Variants in UNKL observed in about 807,000 individuals in gnomAD.
The protein encoded by UNKL is unk like zinc finger.
UNKL carries 60 observed loss-of-function variants against 78.0 expected under a neutral mutation model. That is an observed-to-expected ratio of 0.77 (90% confidence interval 0.63 to 0.95). The LOEUF is 0.95. Ranked by LOEUF, UNKL falls within the 40% of genes least tolerant of loss-of-function variation. The pLI is 0.00. For synonymous variants in UNKL, 608 were observed against 474.8 expected, an observed-to-expected ratio of 1.28 and a Z score of -3.65; for missense variants, 1,159 against 1,045.7, an observed-to-expected ratio of 1.11 and a Z score of -1.49.
In UNKL at chr16:1,414,699, C is replaced by CA. The variant is rs775262121; in HGVS notation, c.-9dup. 64 of 1,125,266 alleles carry CA rather than the reference C, an allele frequency of 5.7e-5. No individual in the cohort carries two copies. Among genetic ancestry groups the CA allele is most frequent in the African/African-American group, 1.0e-4 (6 of 59,054 alleles). 69.7% of individuals were successfully genotyped at this position (1,125,266 alleles called of 1,614,324 possible). ...TTTCGAAACCGACGGCATTTTCAGT[C>CA]AAAACAATGCAGCGCGCATGCGCCG... is the stretch of plus-strand genomic sequence containing the variant. On this transcript the variant is annotated 5_prime_UTR_variant, in exon 1 of 15. Transcript: ENST00000389221.
At position 1,397,241 on chromosome 16, in the gene UNKL, G is replaced by C. The variant is rs1205203347; in HGVS notation, c.789C>G (p.Arg263=). The C allele has an allele frequency of 6.5e-7, 1 of 1,543,492 alleles. No homozygotes were observed. The highest frequency in any genetic ancestry group is 8.7e-7 in the Non-Finnish European group (1 of 1,146,920). The part of the protein sequence containing the change: ...KHGDEWGEPS[R]CDGGDGCQYC... The stretch of plus-strand genomic sequence containing the variant: ...ACTGGCAGCCGTCGCCGCCATCGCA[G>C]CGTGAGGGTTCCCCCCACTCATCCC... Residue 263 remains arginine, a synonymous_variant, in exon 6 of 15, where the codon CGC becomes CGG. Transcript: ENST00000389221.
At chr16:1,396,938 T>C (rs375293595) in intron 6 of UNKL, 64 of 541,346 alleles carry the variant, frequency 1.2e-4, no homozygotes, top group Middle Eastern at 4.7e-4. Flanking sequence ...CCCACATGAC[T>C]CTTTCTTCTG....
Position 1,413,869 on chromosome 16 carries a change from G to A in UNKL, c.264C>T (p.Thr88=), listed in dbSNP as rs781446783. The change falls in exon 2 of 15, where the codon ACC becomes ACT. Residue 88 remains threonine (T), a synonymous_variant. Transcript: ENST00000389221. The part of the protein sequence containing the change: ...DVYCSKYNEA[T]GVCPDGDECP... Reference sequence around the variant, plus strand: ...ACTCGTCGCCGTCGGGGCACACGCCGGTGGCTTCGTTGTACTTGGAGCAGT... The same window carrying A: ...ACTCGTCGCCGTCGGGGCACACGCCAGTGGCTTCGTTGTACTTGGAGCAGT... 1.3e-6 allele frequency: 2 copies of A among 1,531,508 alleles called. No individual in the cohort carries two copies. The highest frequency in any genetic ancestry group is 1.4e-5 in the African/African-American group (1 of 72,698). 94.9% of individuals were successfully genotyped at this position (1,531,508 alleles called of 1,614,324 possible). A position where few individuals can be genotyped will look rare whatever the true frequency, so the allele number is the denominator to read the frequency against.
chr16:1,397,357 G>A, intron 5 of UNKL, 62 bp from the exon 6 acceptor site: 1 of 607,510 alleles, frequency 1.6e-6, no homozygotes, highest in African/African-American at 2.4e-5. Context: ...CCACCCCCGT[G>A]CTTCACGCTG....
intron 10 of UNKL, among the ~76,000 whole-genome samples, chr16:1,381,513 C>T (rs558525854): frequency 3.3e-4 from 50 of 152,068 alleles, no homozygotes; most frequent in Admixed American, 9.8e-4. Flanking sequence ...CCAGCTACTC[C>T]GGAGGCTGAG....
Position 1,403,159 on chromosome 16 carries a change from C to A in UNKL, c.464+9G>T. On this transcript the variant is annotated intron_variant, in intron 3 of 14. Coordinates refer to ENST00000389221, the MANE Select transcript of UNKL (RefSeq NM_001372107.1). This position sits in a 1 kb window ranked among gnomAD's most constrained non-coding sequence, Gnocchi z 4.8. ...CAGGCCAAGTGCCCACTCGTGGATG[C>A]CCACTCACCTGACGTCACACACGGG... The A allele has an allele frequency of 6.2e-7, 1 of 1,604,774 alleles. No homozygotes were observed. The highest frequency in any genetic ancestry group is 2.2e-5 in the East Asian group (1 of 44,678).
intron 10 of UNKL, chr16:1,379,210 C>CG (rs2036463743): frequency 6.5e-6 from 1 of 153,036 alleles, no homozygotes; most frequent in Admixed American, 6.5e-5. Context: ...GAGCCGCCGA[C>CG]GCCAGGGAAA....
At chr16:1,384,542 G>A (rs1009499221) in intron 10 of UNKL, among the ~76,000 whole-genome samples, 1 of 151,828 alleles carries the variant, frequency 6.6e-6, no homozygotes, top group Admixed American at 6.6e-5. Flanking sequence ...AGCCTTCACT[G>A]GACTCCCCAC....
rs1357087980 is a variant in UNKL at position 1,385,976 on chromosome 16, G to A, written c.1087-591C>T. On this transcript the variant is annotated intron_variant, in intron 9 of 14. Coordinates refer to ENST00000389221, the MANE Select transcript of UNKL (RefSeq NM_001372107.1). ...GTATTTGGTGGATAATAGATCAAAAGAAAAAGAGCAACACACAGAGCAGTG... is the reference window on the plus strand; with the variant it reads ...GTATTTGGTGGATAATAGATCAAAAAAAAAAGAGCAACACACAGAGCAGTG... Among the ~76,000 whole-genome samples, 5 of 152,384 alleles carry A rather than the reference G, an allele frequency of 3.3e-5. No individual in the cohort carries two copies. The East Asian group carries it at 9.6e-4, about 29-fold the overall frequency.
At chr16:1,370,729 AAAAG>A (rs1196336606) in intron 11 of UNKL, among the ~76,000 whole-genome samples, 1 of 152,228 alleles carries the variant, frequency 6.6e-6, no homozygotes, top group Admixed American at 6.5e-5. Flanking sequence ...ACTTTCTTTT[AAAAG>A]AAAGAAAAGA....
chr16:1,394,825 C>T (rs2037190351), intron 6 of UNKL, among the ~76,000 whole-genome samples: 1 of 152,238 alleles, frequency 6.6e-6, no homozygotes, highest in East Asian at 1.9e-4. Flanking sequence ...TGGCCCCACC[C>T]CCCCATGGCC....
chr16:1,370,734 AAAG>A (rs1211485658), intron 11 of UNKL, among the ~76,000 whole-genome samples: 2 of 152,220 alleles, frequency 1.3e-5, no homozygotes. Flanking sequence ...CTTTTAAAAG[AAAG>A]AAAAGATACA....
chr16:1,369,393 G>T (rs1596647176), intron 12 of UNKL, among the ~76,000 whole-genome samples: 2 of 148,826 alleles, frequency 1.3e-5, no homozygotes, highest in East Asian at 4.0e-4. Context: ...TTTTGAGATG[G>T]AGTTTCACTC....
intron 3 of UNKL, among the ~76,000 whole-genome samples, chr16:1,402,826 T>C (rs993612995): frequency 1.5e-5 from 2 of 134,414 alleles, no homozygotes; most frequent in African/African-American, 5.7e-5. Context: ...CTACTAAACA[T>C]ACAAAAAAAA....
intron 2 of UNKL, chr16:1,412,013 G>A (rs2038062391): frequency 6.6e-6 from 1 of 152,148 alleles, no homozygotes; most frequent in Non-Finnish European, 1.5e-5. Context: ...AAGGTCCCTG[G>A]AGAATCAGCT....
Position 1,390,687 on chromosome 16 carries a change from C to G in UNKL, c.1031G>C (p.Arg344Pro). 1 of 1,536,004 alleles carries G rather than the reference C, an allele frequency of 6.5e-7. No individual in the cohort carries two copies. The highest frequency in any genetic ancestry group is 8.7e-7 in the Non-Finnish European group (1 of 1,146,878). ...TGSGQPGNAK[R>P]RDSPAEGGPR... is the part of the protein sequence containing the mutation. ...GCCACCCTCGGCCGGCGAGTCTCTC[C>G]GCTTGGCCTGCAACATAAAAAACAG... Residue 344 changes from arginine (R) to proline (P), a missense_variant, in exon 9 of 15, where the codon CGG (arginine) becomes CCG (proline). By Grantham distance (103) the Arg-to-Pro change is moderately radical (BLOSUM62 -2). Coordinates refer to ENST00000389221, the MANE Select transcript of UNKL (RefSeq NM_001372107.1).
At position 1,413,970 on chromosome 16, in the gene UNKL, A is replaced by T; in HGVS notation, c.163T>A (p.Trp55Arg). Residue 55 changes from tryptophan (W) to arginine (R), a missense_variant, in exon 2 of 15, where the codon TGG becomes AGG. Coordinates refer to ENST00000389221, the MANE Select transcript of UNKL (RefSeq NM_001372107.1). ...CGGCGCCGCTGGTTGAGGAAGTGCC[A>T]GTGGAAGCAGGTGAACGGCCGGTGC... is the stretch of plus-strand genomic sequence containing the variant. Reference protein sequence around the residue: ...AQHRPFTCFHWHFLNQRRRRP... With the variant: ...AQHRPFTCFHRHFLNQRRRRP... 1 of 1,552,722 alleles carries T rather than the reference A, an allele frequency of 6.4e-7. No homozygotes were observed. The highest frequency in any genetic ancestry group is 8.7e-7 in the Non-Finnish European group (1 of 1,148,036).
Position 1,395,075 on chromosome 16 carries a change from G to A in UNKL, c.853-860C>T, listed in dbSNP as rs566632869. ...GTAGTTTTAGTAGAGATGGGGTTTC[G>A]CCATGTTGGCCAGGCTGGTCTCAAA... is the stretch of plus-strand genomic sequence containing the variant. On this transcript the variant is annotated intron_variant, in intron 6 of 14. Transcript: ENST00000389221. Among the ~76,000 whole-genome samples the A allele has an allele frequency of 2.2e-4, 34 of 151,466 alleles. 1 individual carries two copies. The South Asian group carries it at 6.5e-3, about 29-fold the overall frequency.
intron 8 of UNKL, among the ~76,000 whole-genome samples, chr16:1,391,242 A>G (rs2037036825): frequency 4.2e-4 from 1 of 2,400 alleles, no homozygotes; most frequent in South Asian, 0.024. Context: ...TTAAAGATAC[A>G]CACACACACA....
Sources: gnomAD v4.1 joint callset for allele counts (sites outside exome capture counted in the v4.1 genomes callset) on GRCh38, gnomAD v4.1.1 for gene constraint, Gnocchi (gnomAD v3.1) non-coding constraint, MANE v1.5 for transcripts, NCBI Gene and HGNC (gene_info 2026-07-23, HGNC 2026-07-21) for gene names.